Variants in PCDHB2 observed in about 807,000 individuals in gnomAD.
PCDHB2 encodes protocadherin beta 2.
For missense variants in PCDHB2, 914 were observed against 1,023.1 expected (o/e 0.89, Z 1.45); for synonymous variants, 395 against 464.9 (o/e 0.85, Z 1.93).
rs1563825894 is a variant in PCDHB2, at chr5:141,095,057, T to A, written c.267T>A (p.Asn89Lys). The change falls in exon 1 of 1, where the codon AAT (asparagine) becomes AAA (lysine). Residue 89 changes from asparagine to lysine, a missense_variant. Asn to Lys is a moderately conservative substitution (Grantham distance 94). Transcript: ENST00000194155. ...FDRQTGDLLL[N>K]EKLDREELCG... ...GGCAGACCGGGGATTTGTTGTTAAA[T>A]GAGAAATTGGACCGGGAGGAGCTGT... 1.2e-6 allele frequency: 2 copies of A among 1,614,036 alleles called. No homozygotes were observed. Among genetic ancestry groups the A allele is most frequent in the East Asian group, 2.2e-5 (1 of 44,866 alleles).
rs1554271545 is a variant in PCDHB2 at position 141,096,529 on chromosome 5, G to A, written c.1739G>A (p.Arg580Gln). The change falls in exon 1 of 1, where the codon CGG (arginine) becomes CAG (glutamine). Residue 580 changes from arginine (R) to glutamine (Q), a missense_variant. Transcript: ENST00000194155. Reference protein sequence around the residue: ...GSAPCTELVPRAAEPGYLVTK... With the variant: ...GSAPCTELVPQAAEPGYLVTK... ...GCGCCCTGCACCGAGCTGGTGCCCCGGGCGGCCGAGCCGGGCTACCTGGTG... is the reference window on the plus strand; with the variant it reads ...GCGCCCTGCACCGAGCTGGTGCCCCAGGCGGCCGAGCCGGGCTACCTGGTG... 2 of 1,606,728 alleles carry A rather than the reference G, an allele frequency of 1.2e-6. No homozygotes were observed. The highest frequency in any genetic ancestry group is 1.7e-5 in the Admixed American group (1 of 59,786).
chr5:141,096,711 A>T lies in PCDHB2; in HGVS notation c.1921A>T (p.Arg641Trp), dbSNP rs1318740681. 1.2e-6 allele frequency: 2 copies of T among 1,610,496 alleles called. No individual in the cohort carries two copies. Among genetic ancestry groups the T allele is most frequent in the African/African-American group, 2.7e-5 (2 of 74,854 alleles). Residue 641 changes from arginine to tryptophan, a missense_variant, in exon 1 of 1, where the codon AGG (arginine) becomes TGG (tryptophan). Arg to Trp is a moderately radical substitution (Grantham distance 101). Transcript: ENST00000194155. ...GAGGGAGCGCGACGCTGCCAAGCAGAGGCTGGTGGTGCTGGTCAAGGACAA... is the reference window on the plus strand; with the variant it reads ...GAGGGAGCGCGACGCTGCCAAGCAGTGGCTGGTGGTGCTGGTCAAGGACAA... ...LLRERDAAKQ[R>W]LVVLVKDNGE...
chr5:141,095,318 C>A lies in PCDHB2; in HGVS notation c.528C>A (p.Pro176=), dbSNP rs367751173. ...TNSLQNYTIS[P]NFHFHLNLQD... ...GTCTCCAAAATTACACAATCAGTCC[C>A]AATTTCCACTTTCATCTTAATTTAC... Residue 176 remains proline, a synonymous_variant, in exon 1 of 1, where the codon CCC becomes CCA. Transcript: ENST00000194155. 46 of 1,613,842 alleles carry A rather than the reference C, an allele frequency of 2.9e-5. No individual in the cohort carries two copies. The highest frequency in any genetic ancestry group is 3.6e-5 in the Non-Finnish European group (43 of 1,179,930).
Position 141,094,741 on chromosome 5 carries a change from C to T in PCDHB2, c.-50C>T. On this transcript the variant is annotated 5_prime_UTR_variant, in exon 1 of 1. Coordinates refer to ENST00000194155, the MANE Select transcript of PCDHB2 (RefSeq NM_018936.4). ...GCGAGATACGGGGAGATAGAGTTAGCGACAACGTGAGCCAGAGCTGGAGCA... is the reference window on the plus strand; with the variant it reads ...GCGAGATACGGGGAGATAGAGTTAGTGACAACGTGAGCCAGAGCTGGAGCA... 1.4e-6 allele frequency: 2 copies of T among 1,409,628 alleles called. No homozygotes were observed. The highest frequency in any genetic ancestry group is 1.9e-6 in the Non-Finnish European group (2 of 1,036,124). The allele number at this position is 1,409,628 out of a possible 1,614,324, so 87.3% of individuals were successfully genotyped here.
At position 141,096,446 on chromosome 5, in the gene PCDHB2, G is replaced by A; in HGVS notation, c.1656G>A (p.Leu552=). 1 of 1,611,316 alleles carries A rather than the reference G, an allele frequency of 6.2e-7. No individual in the cohort carries two copies. Among genetic ancestry groups the A allele is most frequent in the South Asian group, 1.1e-5 (1 of 90,908 alleles). Reference sequence around the variant, plus strand: ...GCAGCGAGGCGCTGGTGCGCGTGCTGGTGCTGGACGCCAACGACAACTCGC... The same window carrying A: ...GCAGCGAGGCGCTGGTGCGCGTGCTAGTGCTGGACGCCAACGACAACTCGC... ...ALSSEALVRV[L]VLDANDNSPF... is the part of the protein sequence containing the mutation. The change falls in exon 1 of 1, where the codon CTG becomes CTA. Residue 552 remains leucine (L), a synonymous_variant. Coordinates refer to ENST00000194155, the MANE Select transcript of PCDHB2 (RefSeq NM_018936.4).
chr5:141,096,718 T>C lies in PCDHB2; in HGVS notation c.1928T>C (p.Val643Ala), dbSNP rs782431584. The part of the protein sequence containing the change: ...RERDAAKQRL[V>A]VLVKDNGEPP... Reference sequence around the variant, plus strand: ...CGCGACGCTGCCAAGCAGAGGCTGGTGGTGCTGGTCAAGGACAATGGCGAG... The same window carrying C: ...CGCGACGCTGCCAAGCAGAGGCTGGCGGTGCTGGTCAAGGACAATGGCGAG... Residue 643 changes from valine (V) to alanine (A), a missense_variant, in exon 1 of 1, where the codon GTG (valine) becomes GCG (alanine). Transcript: ENST00000194155. The C allele has an allele frequency of 1.2e-6, 2 of 1,609,756 alleles. No homozygotes were observed. The highest frequency in any genetic ancestry group is 3.3e-5 in the Admixed American group (2 of 59,982).
Position 141,096,532 on chromosome 5 carries a change from C to A in PCDHB2, c.1742C>A (p.Ala581Glu). 6.2e-7 allele frequency: 1 copy of A among 1,606,488 alleles called. No homozygotes were observed. ...CCCTGCACCGAGCTGGTGCCCCGGG[C>A]GGCCGAGCCGGGCTACCTGGTGACC... Reference protein sequence around the residue: ...SAPCTELVPRAAEPGYLVTKV... With the variant: ...SAPCTELVPREAEPGYLVTKV... Residue 581 changes from alanine to glutamate, a missense_variant, in exon 1 of 1, where the codon GCG (alanine) becomes GAG (glutamate). Coordinates refer to ENST00000194155, the MANE Select transcript of PCDHB2 (RefSeq NM_018936.4).
At position 141,095,370 on chromosome 5, in the gene PCDHB2, C is replaced by T. The variant is rs1554271236; in HGVS notation, c.580C>T (p.Pro194Ser). 1.2e-6 allele frequency: 2 copies of T among 1,613,834 alleles called. No homozygotes were observed. Among genetic ancestry groups the T allele is most frequent in the Non-Finnish European group, 1.7e-6 (2 of 1,179,858 alleles). The change falls in exon 1 of 1, where the codon CCA becomes TCA. Residue 194 changes from proline (P) to serine (S), a missense_variant. Coordinates refer to ENST00000194155, the MANE Select transcript of PCDHB2 (RefSeq NM_018936.4). ...LQDSLDGIIL[P>S]QLVLNRALDR... ...AGACAGTCTCGATGGCATAATATTA[C>T]CACAGCTGGTGCTGAACAGAGCCCT...
rs376644007 is a variant in PCDHB2, at chr5:141,096,283, C to T, written c.1493C>T (p.Pro498Leu). 17 of 1,613,318 alleles carry T rather than the reference C, an allele frequency of 1.1e-5. No homozygotes were observed. The African/African-American group carries it at 1.7e-4, about 16-fold the overall frequency. ...TACTCGCTGCTGCCGCCCCAGGACC[C>T]GCACCTGCCCCTCGCCTCCCTGGTC... Reference protein sequence around the residue: ...VTYSLLPPQDPHLPLASLVSI... With the variant: ...VTYSLLPPQDLHLPLASLVSI... The change falls in exon 1 of 1, where the codon CCG becomes CTG. Residue 498 changes from proline (P) to leucine (L), a missense_variant. By Grantham distance (98) the Pro-to-Leu change is moderately conservative. Transcript: ENST00000194155.
In PCDHB2 at chr5:141,097,218, C is replaced by G. The variant is rs373189637; in HGVS notation, c.*31C>G. ...AATAAGGATCTACTGAGGCTAGTCT[C>G]GTTTAATTTGTGGAAAGTCCTTTTT... On this transcript the variant is annotated 3_prime_UTR_variant, in exon 1 of 1. Coordinates refer to ENST00000194155, the MANE Select transcript of PCDHB2 (RefSeq NM_018936.4). 1.5e-5 allele frequency: 24 copies of G among 1,553,464 alleles called. No individual in the cohort carries two copies. The highest frequency in any genetic ancestry group is 2.1e-5 in the Non-Finnish European group (24 of 1,151,180).
In PCDHB2 at chr5:141,097,993, C is replaced by G. The variant is rs1323565252; in HGVS notation, c.*806C>G. On this transcript the variant is annotated 3_prime_UTR_variant, in exon 1 of 1. Coordinates refer to ENST00000194155, the MANE Select transcript of PCDHB2 (RefSeq NM_018936.4). ...GGATTACAGGCGTGAGCCACCGCCC[C>G]CCAGTCCAATATGTATACTTCTTTC... 3 of 152,248 alleles carry G rather than the reference C, an allele frequency of 2.0e-5. No individual in the cohort carries two copies. The highest frequency in any genetic ancestry group is 2.0e-4 in the Admixed American group (3 of 15,276). The allele number at this position is 152,248 out of a possible 1,614,324, so 9.4% of individuals were successfully genotyped here.
chr5:141,094,703 C>A lies in PCDHB2; in HGVS notation c.-88C>A. 1 of 1,102,852 alleles carries A rather than the reference C, an allele frequency of 9.1e-7. No homozygotes were observed. The highest frequency in any genetic ancestry group is 1.3e-6 in the Non-Finnish European group (1 of 766,054). The allele number at this position is 1,102,852 out of a possible 1,614,324, so 68.3% of individuals were successfully genotyped here. Reference sequence around the variant, plus strand: ...AATCCGGGCCCTAGGATTGTCCACTCATCCCAGTATCAGCGAGATACGGGG... The same window carrying A: ...AATCCGGGCCCTAGGATTGTCCACTAATCCCAGTATCAGCGAGATACGGGG... On this transcript the variant is annotated 5_prime_UTR_variant, in exon 1 of 1. Coordinates refer to ENST00000194155, the MANE Select transcript of PCDHB2 (RefSeq NM_018936.4).
In PCDHB2 at chr5:141,095,627, A is replaced by T. The variant is rs1420846654; in HGVS notation, c.837A>T (p.Ile279=). 7.4e-6 allele frequency: 12 copies of T among 1,614,074 alleles called. No individual in the cohort carries two copies. Among genetic ancestry groups the T allele is most frequent in the Non-Finnish European group, 1.0e-5 (12 of 1,180,030 alleles). ...RDLDIGTNGE[I]SYAFSQASED... is the part of the protein sequence containing the mutation. Reference sequence around the variant, plus strand: ...TAGACATTGGAACTAATGGAGAAATATCTTATGCATTTTCCCAAGCATCTG... The same window carrying T: ...TAGACATTGGAACTAATGGAGAAATTTCTTATGCATTTTCCCAAGCATCTG... The change falls in exon 1 of 1, where the codon ATA becomes ATT. Residue 279 remains isoleucine (I), a synonymous_variant. Coordinates refer to ENST00000194155, the MANE Select transcript of PCDHB2 (RefSeq NM_018936.4).
Position 141,095,313 on chromosome 5 carries a change from A to G in PCDHB2, c.523A>G (p.Ser175Gly), listed in dbSNP as rs1751783700. 1 of 1,614,068 alleles carries G rather than the reference A, an allele frequency of 6.2e-7. No individual in the cohort carries two copies. Among genetic ancestry groups the G allele is most frequent in the Non-Finnish European group, 8.5e-7 (1 of 1,179,966 alleles). ...CAACAGTCTCCAAAATTACACAATC[A>G]GTCCCAATTTCCACTTTCATCTTAA... is the stretch of plus-strand genomic sequence containing the variant. ...GTNSLQNYTISPNFHFHLNLQ... is the reference protein window; with the variant it reads ...GTNSLQNYTIGPNFHFHLNLQ... The change falls in exon 1 of 1, where the codon AGT becomes GGT. Residue 175 changes from serine to glycine, a missense_variant. Transcript: ENST00000194155.
Position 141,095,500 on chromosome 5 carries a change from T to G in PCDHB2, c.710T>G (p.Ile237Ser), listed in dbSNP as rs782686401. 1 of 1,614,046 alleles carries G rather than the reference T, an allele frequency of 6.2e-7. No individual in the cohort carries two copies. Among genetic ancestry groups the G allele is most frequent in the African/African-American group, 1.3e-5 (1 of 75,026 alleles). The change falls in exon 1 of 1, where the codon ATC becomes AGC. Residue 237 changes from isoleucine (I) to serine (S), a missense_variant. Transcript: ENST00000194155. The stretch of plus-strand genomic sequence containing the variant: ...CTGGTACGGATTGAAGTTGTGGACA[T>G]CAATGACAACGTCCCAGAGTTTGCA... ...TALVRIEVVD[I>S]NDNVPEFAKL...
rs1232402074 is a variant in PCDHB2 at position 141,097,727 on chromosome 5, A to G, written c.*540A>G. On this transcript the variant is annotated 3_prime_UTR_variant, in exon 1 of 1. Transcript: ENST00000194155. ...TTTTTTTTTTGAGATGGAGTTTTGC[A>G]CTTGTTGCTCAGGCTGTAGTGGAGT... 2 of 148,172 alleles carry G rather than the reference A, an allele frequency of 1.3e-5. No homozygotes were observed. The highest frequency in any genetic ancestry group is 3.0e-5 in the Non-Finnish European group (2 of 67,310). The allele number at this position is 148,172 out of a possible 1,614,324, so 9.2% of individuals were successfully genotyped here.
rs1047372 is a variant in PCDHB2, at chr5:141,097,069, G to A, written c.2279G>A (p.Gly760Asp). The A allele has an allele frequency of 0.17, 278,954 of 1,612,826 alleles. 25,115 individuals are homozygous for A. Among genetic ancestry groups the A allele is most frequent in the Middle Eastern group, 0.23 (1,365 of 6,054 alleles). The change falls in exon 1 of 1, where the codon GGC becomes GAC. Residue 760 changes from glycine to aspartate, a missense_variant. Transcript: ENST00000194155. ...SYQYEVCLTG[G>D]SGTNEFKFLK... is the part of the protein sequence containing the mutation. ...CAGTACGAGGTGTGTCTGACTGGAG[G>A]CTCCGGGACAAATGAGTTCAAGTTC...
At position 141,098,330 on chromosome 5, in the gene PCDHB2, G is replaced by A. The variant is rs1418989380; in HGVS notation, c.*1143G>A. On this transcript the variant is annotated 3_prime_UTR_variant, in exon 1 of 1. Coordinates refer to ENST00000194155, the MANE Select transcript of PCDHB2 (RefSeq NM_018936.4). ...ATTAAAATCCAAAAAATTTGAGGGA[G>A]TACATGTCTTTGTCCTTTACCTTTA... 2 of 152,034 alleles carry A rather than the reference G, an allele frequency of 1.3e-5. No individual in the cohort carries two copies. The highest frequency in any genetic ancestry group is 2.4e-5 in the African/African-American group (1 of 41,380). The allele number at this position is 152,034 out of a possible 1,614,324, so 9.4% of individuals were successfully genotyped here.
In PCDHB2 at chr5:141,098,364, A is replaced by T. The variant is rs1333878491; in HGVS notation, c.*1177A>T. On this transcript the variant is annotated 3_prime_UTR_variant, in exon 1 of 1. Transcript: ENST00000194155. ...TTTGTCCTTTACCTTTAGAACCCTC[A>T]AACATAGCTTGGTATTGCTGTTTTT... The T allele has an allele frequency of 6.6e-6, 1 of 152,212 alleles. No homozygotes were observed. Among genetic ancestry groups the T allele is most frequent in the Non-Finnish European group, 1.5e-5 (1 of 68,046 alleles). The allele number at this position is 152,212 out of a possible 1,614,324, so 9.4% of individuals were successfully genotyped here.
Sources: gnomAD v4.1 joint callset for allele counts on GRCh38, gnomAD v4.1.1 for gene constraint, MANE v1.5 for transcripts, NCBI Gene and HGNC (gene_info 2026-07-23, HGNC 2026-07-21) for gene names.